TOPBP1: variants seen among roughly 807,000 people sequenced by gnomAD.
TOPBP1 encodes the protein DNA topoisomerase II binding protein 1.
Under a neutral mutation model 167.7 loss-of-function variants are expected in TOPBP1, and 28 were observed. The observed-to-expected ratio is 0.17, with a 90% CI of 0.12 to 0.23. TOPBP1 has a LOEUF of 0.23. Ranked by LOEUF, TOPBP1 falls within the 10% of genes least tolerant of loss-of-function variation. The probability of loss-of-function intolerance (pLI) is 1.00; values close to 1 mark genes in which losing one functional copy is unlikely to be tolerated. For synonymous variants in TOPBP1, 598 were observed against 611.4 expected, an observed-to-expected ratio of 0.98 and a Z score of 0.32; for missense variants, 1,554 against 1,809.6, an observed-to-expected ratio of 0.86 and a Z score of 2.56.
At chr3:133,658,790 G>C (rs1936575001) in intron 3 of TOPBP1, among the ~76,000 whole-genome samples, 1 of 152,136 alleles carries the variant, frequency 6.6e-6, no homozygotes, top group African/African-American at 2.4e-5. Context: ...CTGGGCAACA[G>C]AACAAGACTC....
intron 23 of TOPBP1, among the ~76,000 whole-genome samples, chr3:133,613,116 C>T (rs1576680529): frequency 6.6e-6 from 1 of 152,196 alleles, no homozygotes; most frequent in Non-Finnish European, 1.5e-5. Context: ...CTGCCTCAGC[C>T]TCCCGAAGTG....
At chr3:133,611,690 T>C (rs1576679366) in intron 24 of TOPBP1, among the ~76,000 whole-genome samples, 3 of 152,252 alleles carry the variant, frequency 2.0e-5, no homozygotes, top group Admixed American at 1.3e-4. Flanking sequence ...AAAGCTGGTA[T>C]ACTCTAACTG....
In TOPBP1 at chr3:133,649,774, A is replaced by T; in HGVS notation, c.1253+6T>A. ...GAAATTGCTTTGAATTAAAAACGAA[A>T]AAAACCTGTGGGCTGATTTATTCCA... On this transcript the variant is annotated splice_donor_region_variant and intron_variant, in intron 9 of 27. Transcript: ENST00000260810. The T allele has an allele frequency of 2.5e-6, 4 of 1,584,398 alleles. No individual in the cohort carries two copies. Among genetic ancestry groups the T allele is most frequent in the Non-Finnish European group, 1.7e-6 (2 of 1,170,988 alleles).
chr3:133,609,141 T>C (rs1934593918), intron 25 of TOPBP1, among the ~76,000 whole-genome samples, 179 bp from the exon 26 acceptor site: 1 of 152,192 alleles, frequency 6.6e-6, no homozygotes, highest in East Asian at 1.9e-4. Flanking sequence ...ATCTGGCACA[T>C]AGTAGGCCAT....
At chr3:133,635,001 GAA>G (rs1246012833) in intron 14 of TOPBP1, among the ~76,000 whole-genome samples, 1 of 152,138 alleles carries the variant, frequency 6.6e-6, no homozygotes, top group Non-Finnish European at 1.5e-5. Flanking sequence ...AGAAAAGGGG[GAA>G]AGAGAATAAG....
In TOPBP1 at chr3:133,637,780, TTTA is replaced by T; in HGVS notation, c.2520+93_2520+95del. 6.0e-6 allele frequency: 8 copies of T among 1,329,956 alleles called. 1 individual carries two copies. Among genetic ancestry groups the T allele is most frequent in the Admixed American group, 5.3e-5 (2 of 38,036 alleles). 82.4% of individuals were successfully genotyped at this position (1,329,956 alleles called of 1,614,324 possible). A position where few individuals can be genotyped will look rare whatever the true frequency, so the allele number is the denominator to read the frequency against. ...TCTACTTGCCAATGTCTCTGGAAAA[TTTA>T]TTACTACACTTCAGAGGTGATGCCA... On this transcript the variant is annotated intron_variant, in intron 14 of 27. Coordinates refer to ENST00000260810, the MANE Select transcript of TOPBP1 (RefSeq NM_007027.4).
chr3:133,632,861 C>T (rs1169757768), intron 14 of TOPBP1, among the ~76,000 whole-genome samples: 4 of 152,196 alleles, frequency 2.6e-5, no homozygotes, highest in South Asian at 2.1e-4. Context: ...CGTCCTCTAT[C>T]TCCTGGACTC....
intron 10 of TOPBP1, among the ~76,000 whole-genome samples, chr3:133,645,104 CCAT>C (rs1936030285): frequency 1.3e-5 from 2 of 152,196 alleles, no homozygotes; most frequent in Admixed American, 6.5e-5. Context: ...GTTCACACCA[CCAT>C]GTTATAGTGC....
At chr3:133,632,337 G>A (rs1487025512) in intron 14 of TOPBP1, among the ~76,000 whole-genome samples, 12 of 152,044 alleles carry the variant, frequency 7.9e-5, no homozygotes, top group African/African-American at 2.9e-4. Flanking sequence ...CCCAGGAGGC[G>A]GAGGTTGCAG....
Position 133,649,574 on chromosome 3 carries a change from G to A in TOPBP1, c.1313C>T (p.Ser438Phe). ...LECFSKGYMLSEEPYIHANYQ... is the reference protein window; with the variant it reads ...LECFSKGYMLFEEPYIHANYQ... ...ATTAGCATGGATATATGGTTCTTCA[G>A]AAAGCATATAACCTTTACTGAAACA... Residue 438 changes from serine to phenylalanine, a missense_variant, in exon 10 of 28, where the codon TCT becomes TTT. Physicochemically the swap from Ser to Phe is radical, Grantham distance 155 (BLOSUM62 -2). This residue lies in a region of TOPBP1 where 1,197 missense variants were observed against 1,351.5 expected (regional missense o/e 0.89). Coordinates refer to ENST00000260810, the MANE Select transcript of TOPBP1 (RefSeq NM_007027.4). 1 of 1,613,800 alleles carries A rather than the reference G, an allele frequency of 6.2e-7. No homozygotes were observed. The highest frequency in any genetic ancestry group is 8.5e-7 in the Non-Finnish European group (1 of 1,179,842).
chr3:133,657,775 A>G, intron 4 of TOPBP1, 23 bp downstream of exon 4: 1 of 1,506,498 alleles, frequency 6.6e-7, no homozygotes, highest in Non-Finnish European at 8.9e-7. Flanking sequence ...AAATTGATCA[A>G]TCATCATGAG....
At chr3:133,642,477 T>C (rs1255090979) in intron 12 of TOPBP1, among the ~76,000 whole-genome samples, 1 of 152,262 alleles carries the variant, frequency 6.6e-6, no homozygotes, top group African/African-American at 2.4e-5. Context: ...TACTAAAGTC[T>C]GGGTCTTGCT....
Position 133,637,870 on chromosome 3 carries a change from C to A in TOPBP1, c.2520+6G>T, listed in dbSNP as rs1297478005. 6.2e-7 allele frequency: 1 copy of A among 1,613,310 alleles called. No individual in the cohort carries two copies. Among genetic ancestry groups the A allele is most frequent in the South Asian group, 1.1e-5 (1 of 91,064 alleles). ...TAACTCTGGGACCACTGCCTATAAA[C>A]CTTACCTTCACATCAAAGGAAGGCT... On this transcript the variant is annotated splice_donor_region_variant and intron_variant, in intron 14 of 27. Transcript: ENST00000260810.
At chr3:133,610,902 T>C (rs1056061449) in intron 25 of TOPBP1, 102 bp downstream of exon 25, 2 of 1,315,826 alleles carry the variant, frequency 1.5e-6, no homozygotes, top group African/African-American at 1.5e-5. Context: ...AAAAGACAAG[T>C]AGAATCATTA....
chr3:133,609,118 G>A (rs951011209), intron 25 of TOPBP1, among the ~76,000 whole-genome samples, 156 bp from the exon 26 acceptor site: 1 of 152,148 alleles, frequency 6.6e-6, no homozygotes, highest in African/African-American at 2.4e-5. Flanking sequence ...ACACTGAAAC[G>A]TGAATCCATG....
chr3:133,653,675 T>C (rs1018749034), intron 6 of TOPBP1, among the ~76,000 whole-genome samples, 151 bp from the exon 7 acceptor site: 1 of 151,826 alleles, frequency 6.6e-6, no homozygotes, highest in African/African-American at 2.4e-5. Context: ...TTGCCCAGGC[T>C]GGAGTACAGT....
intron 23 of TOPBP1, among the ~76,000 whole-genome samples, chr3:133,615,950 C>T (rs1934856687): frequency 6.6e-6 from 1 of 152,036 alleles, no homozygotes; most frequent in Non-Finnish European, 1.5e-5. Context: ...TTTAAAATGA[C>T]CTATGTGGTT....
Position 133,644,309 on chromosome 3 carries a change from G to T in TOPBP1, c.1559C>A (p.Pro520His), listed in dbSNP as rs764733939. 5.6e-6 allele frequency: 9 copies of T among 1,610,602 alleles called. No individual in the cohort carries two copies. The highest frequency in any genetic ancestry group is 7.6e-6 in the Non-Finnish European group (9 of 1,178,316). Residue 520 changes from proline to histidine, a missense_variant, in exon 11 of 28, where the codon CCC (proline) becomes CAC (histidine). By Grantham distance (77) the Pro-to-His change is moderately conservative. Around this residue, in one of 3 missense-constraint regions of TOPBP1, gnomAD observed 1,197 missense variants for 1,351.5 expected, o/e 0.89. Coordinates refer to ENST00000260810, the MANE Select transcript of TOPBP1 (RefSeq NM_007027.4). ...RPFNDSTHAE[P>H]LNDSTHISLQ... is the part of the protein sequence containing the mutation. ...AGAAATGTGAGTAGAATCATTCAAG[G>T]GCTCAGCATGAGTAGAATCATTAAA... is the stretch of plus-strand genomic sequence containing the variant.
At chr3:133,656,273 C>T (rs939475570) in intron 5 of TOPBP1, among the ~76,000 whole-genome samples, 1 of 152,002 alleles carries the variant, frequency 6.6e-6, no homozygotes. Context: ...TATATTCAAC[C>T]TTACATATGC....
Sources: gnomAD v4.1 joint callset for allele counts (sites outside exome capture counted in the v4.1 genomes callset) on GRCh38, gnomAD v4.1.1 for gene constraint, gnomAD v4.1.1 regional missense constraint, MANE v1.5 for transcripts, NCBI Gene and HGNC (gene_info 2026-07-23, HGNC 2026-07-21) for gene names.